Variants in STK32B observed in about 807,000 individuals in gnomAD.
STK32B encodes serine/threonine-protein kinase 32B.
STK32B carries 43 observed loss-of-function variants against 52.6 expected under a neutral mutation model. The observed-to-expected ratio is 0.82, with a 90% CI of 0.64 to 1.05. STK32B has a LOEUF of 1.05. Among genes scored for constraint, STK32B ranks in the 50% least tolerant of loss-of-function variants. The pLI is 0.00. For synonymous variants in STK32B, 238 were observed against 204.3 expected (o/e 1.17, Z -1.41); for missense variants, 621 against 534.6 (o/e 1.16, Z -1.59).
intron 1 of STK32B, among the ~76,000 whole-genome samples, chr4:5,061,980 C>A (rs559058297): frequency 2.6e-5 from 4 of 152,176 alleles, no homozygotes; most frequent in Non-Finnish European, 5.9e-5. Flanking sequence ...CTCTGTAACT[C>A]CTCCAAACAG....
At chr4:5,149,835 A>G (rs1717201345) in intron 2 of STK32B, among the ~76,000 whole-genome samples, 1 of 151,926 alleles carries the variant, frequency 6.6e-6, no homozygotes, top group Non-Finnish European at 1.5e-5. Flanking sequence ...TTTAAGGAAA[A>G]TCTAGGTTTC....
At chr4:5,297,968 CA>C (rs145834796) in intron 3 of STK32B, among the ~76,000 whole-genome samples, 5,119 of 152,224 alleles carry the variant, frequency 0.034, 268 homozygotes, top group African/African-American at 0.12. Flanking sequence ...GAGGCTTTTG[CA>C]TGGGCATCCT....
upstream of STK32B, among the ~76,000 whole-genome samples, chr4:5,048,962 A>T (rs763391995): frequency 6.6e-6 from 1 of 152,198 alleles, no homozygotes; most frequent in Non-Finnish European, 1.5e-5. Flanking sequence ...CCCTGCAAAG[A>T]GTTAGCACAG....
At chr4:5,374,309 A>G (rs1735442449) in intron 4 of STK32B, among the ~76,000 whole-genome samples, 1 of 152,242 alleles carries the variant, frequency 6.6e-6, no homozygotes, top group South Asian at 2.1e-4. Context: ...TCTGGAAATC[A>G]TCTGTACTAC....
At chr4:5,107,294 C>T (rs2108799447) in intron 1 of STK32B, among the ~76,000 whole-genome samples, 1 of 152,210 alleles carries the variant, frequency 6.6e-6, no homozygotes, top group South Asian at 2.1e-4. Context: ...AGGGCTCCCA[C>T]TGATCATTAT....
intron 3 of STK32B, among the ~76,000 whole-genome samples, chr4:5,175,974 G>T (rs1027799292): frequency 4.6e-5 from 7 of 152,246 alleles, no homozygotes; most frequent in Non-Finnish European, 1.0e-4. Flanking sequence ...CAGCTGCTTT[G>T]TTTACCTACG....
intron 4 of STK32B, among the ~76,000 whole-genome samples, chr4:5,342,950 T>C (rs540263701): frequency 6.6e-6 from 1 of 152,302 alleles, no homozygotes; most frequent in African/African-American, 2.4e-5. Context: ...TGACCAAATA[T>C]TCTTTTTTCT....
At chr4:5,139,489 TGC>T in intron 1 of STK32B, 1 of 186,846 alleles carries the variant, frequency 5.4e-6, no homozygotes, top group Admixed American at 5.4e-5. Flanking sequence ...AGGCTGAGTG[TGC>T]AGAAGGAAGT....
rs111375264 is a variant in STK32B, at chr4:5,227,073, T to C, written c.260+58623T>C. Among the ~76,000 whole-genome samples the C allele has an allele frequency of 1.6e-3, 251 of 152,346 alleles. 1 individual carries two copies. The highest frequency in any genetic ancestry group is 5.8e-3 in the African/African-American group (241 of 41,586). ...CATCATGCATTCAATTGCAATGTCA[T>C]GTTTTGGTTGAAATATATGAAGAAA... On this transcript the variant is annotated intron_variant, in intron 3 of 11. Coordinates refer to ENST00000282908, the MANE Select transcript of STK32B (RefSeq NM_018401.3).
intron 1 of STK32B, among the ~76,000 whole-genome samples, chr4:5,075,038 T>C (rs1711999277): frequency 6.6e-6 from 1 of 152,176 alleles, no homozygotes; most frequent in African/African-American, 2.4e-5. Context: ...TCCTTGGAGT[T>C]TCACCCCATT....
chr4:5,114,308 G>T (rs1179620119), intron 1 of STK32B, among the ~76,000 whole-genome samples: 1 of 151,552 alleles, frequency 6.6e-6, no homozygotes, highest in Non-Finnish European at 1.5e-5. Flanking sequence ...CATCCTTCTG[G>T]TCTCAGTTTA....
chr4:5,352,293 T>C (rs923068085), intron 4 of STK32B, among the ~76,000 whole-genome samples: 3 of 152,030 alleles, frequency 2.0e-5, no homozygotes, highest in Non-Finnish European at 4.4e-5. Flanking sequence ...GTTCAACATA[T>C]GCAAATCGGT....
chr4:5,096,123 A>G (rs955974422), intron 1 of STK32B, among the ~76,000 whole-genome samples: 1 of 152,234 alleles, frequency 6.6e-6, no homozygotes, highest in South Asian at 2.1e-4. Context: ...TGTTGAAAAC[A>G]TTCTAAGAAT....
At chr4:5,272,448 A>G (rs1272892868) in intron 3 of STK32B, among the ~76,000 whole-genome samples, 1 of 141,258 alleles carries the variant, frequency 7.1e-6, no homozygotes, top group East Asian at 2.1e-4. Flanking sequence ...TTCATCAAGG[A>G]TATTGGTCTA....
At chr4:5,334,502 T>C (rs1210053720) in intron 4 of STK32B, among the ~76,000 whole-genome samples, 2 of 152,184 alleles carry the variant, frequency 1.3e-5, no homozygotes, top group African/African-American at 4.8e-5. Flanking sequence ...TGGCCAGAAC[T>C]TCCAACACTA....
chr4:5,411,515 A>G (rs1393969988), intron 5 of STK32B, among the ~76,000 whole-genome samples: 1 of 152,202 alleles, frequency 6.6e-6, no homozygotes, highest in African/African-American at 2.4e-5. Context: ...TAGCCTTTCC[A>G]TTGTATTAGG....
In STK32B at chr4:5,395,313, G is replaced by A. The variant is rs970504202; in HGVS notation, c.435-2894G>A. 1.3e-5 allele frequency among the ~76,000 whole-genome samples: 2 copies of A among 152,168 alleles called. No homozygotes were observed. The highest frequency in any genetic ancestry group is 4.8e-5 in the African/African-American group (2 of 41,444). ...ACCCATCACCTTTGTCAGCTTCCATGGCTAGGACCACGTCACAGGTGAGAT... is the reference window on the plus strand; with the variant it reads ...ACCCATCACCTTTGTCAGCTTCCATAGCTAGGACCACGTCACAGGTGAGAT... On this transcript the variant is annotated intron_variant, in intron 4 of 11. Transcript: ENST00000282908. The surrounding 1 kb of genome is among the most constrained non-coding windows in gnomAD (Gnocchi z 4.4).
At chr4:5,175,902 G>T (rs1484520900) in intron 3 of STK32B, among the ~76,000 whole-genome samples, 1 of 152,250 alleles carries the variant, frequency 6.6e-6, no homozygotes, top group Non-Finnish European at 1.5e-5. Context: ...CCCCAGAGGT[G>T]GAGCCTACAG....
the STK32B span, among the ~76,000 whole-genome samples, chr4:5,021,632 C>T: frequency 6.6e-6 from 1 of 152,240 alleles, no homozygotes; most frequent in South Asian, 2.1e-4. Flanking sequence ...GGAGACATTG[C>T]TGTGCTGGAA....
Sources: allele counts gnomAD v4.1 joint callset (sites outside exome capture counted in the v4.1 genomes callset), GRCh38; gene constraint gnomAD v4.1.1; non-coding constraint Gnocchi (gnomAD v3.1); transcripts MANE v1.5; gene names NCBI Gene and HGNC (gene_info 2026-07-23, HGNC 2026-07-21).